Variants in LINGO2 observed in about 807,000 individuals in gnomAD.
LINGO2 encodes leucine-rich repeat and immunoglobulin-like domain-containing nogo receptor-interacting protein 2.
A neutral mutation model predicts 30.6 loss-of-function variants in LINGO2; 14 were observed. The ratio of observed to expected loss-of-function variants is 0.46; its 90% CI spans 0.30 to 0.72. LINGO2 has a LOEUF of 0.72. LINGO2 is among the 30% of genes least tolerant of loss of function. The pLI is 0.07. For synonymous variants in LINGO2, 317 were observed against 288.5 expected (o/e 1.10, Z -1.00); for missense variants, 729 against 751.7 (o/e 0.97, Z 0.35).
At chr9:29,000,419 T>G in the LINGO2 span, among the ~76,000 whole-genome samples, 1 of 152,064 alleles carries the variant, frequency 6.6e-6, no homozygotes, top group East Asian at 1.9e-4. Flanking sequence ...CTGGAAAACA[T>G]AGCCCTTATA....
chr9:28,761,652 T>C, the LINGO2 span, among the ~76,000 whole-genome samples: 2 of 151,960 alleles, frequency 1.3e-5, no homozygotes, highest in Admixed American at 1.3e-4. Flanking sequence ...CTATTAGTGA[T>C]ACCCCTAAGG....
the LINGO2 span, among the ~76,000 whole-genome samples, chr9:29,075,043 T>A: frequency 6.6e-6 from 1 of 152,264 alleles, no homozygotes; most frequent in Admixed American, 6.5e-5. Context: ...TGTGCTTTCG[T>A]CAACTAGCTG....
chr9:28,460,481 A>G (rs1157960900), intron 2 of LINGO2, among the ~76,000 whole-genome samples: 14 of 152,156 alleles, frequency 9.2e-5, no homozygotes, highest in Non-Finnish European at 7.4e-5. Flanking sequence ...TAAAGTCCAG[A>G]TTATAGACTG....
the LINGO2 span, among the ~76,000 whole-genome samples, chr9:28,690,297 A>C: frequency 6.6e-6 from 1 of 152,162 alleles, no homozygotes; most frequent in South Asian, 2.1e-4. Flanking sequence ...CACTCTGATT[A>C]CAGCCTTGGG....
chr9:28,032,929 G>T (rs1261430046), intron 4 of LINGO2, among the ~76,000 whole-genome samples: 1 of 152,186 alleles, frequency 6.6e-6, no homozygotes, highest in Non-Finnish European at 1.5e-5. Context: ...ATTTGTGCCT[G>T]AAAGTTTTAG....
intron 4 of LINGO2, among the ~76,000 whole-genome samples, chr9:28,107,718 C>A (rs1826638628): frequency 6.6e-6 from 1 of 152,052 alleles, no homozygotes; most frequent in Non-Finnish European, 1.5e-5. Context: ...GGTAATTCAC[C>A]AATACAATTT....
chr9:28,702,424 T>C, the LINGO2 span, among the ~76,000 whole-genome samples: 12 of 151,954 alleles, frequency 7.9e-5, no homozygotes, highest in African/African-American at 2.2e-4. Context: ...GAGGGTAACA[T>C]TAATAGATTT....
intron 1 of LINGO2, among the ~76,000 whole-genome samples, chr9:28,617,092 T>TA (rs1383983396): frequency 6.6e-6 from 1 of 152,102 alleles, no homozygotes; most frequent in African/African-American, 2.4e-5. Context: ...GAATATGAAG[T>TA]AAAAAATAAG....
At chr9:28,368,065 T>G (rs1280961863) in intron 3 of LINGO2, among the ~76,000 whole-genome samples, 1 of 152,192 alleles carries the variant, frequency 6.6e-6, no homozygotes, top group Non-Finnish European at 1.5e-5. Flanking sequence ...TATCTCTATC[T>G]CTATCTCATC....
intron 5 of LINGO2, among the ~76,000 whole-genome samples, chr9:27,979,136 A>T (rs1306198378): frequency 6.6e-6 from 1 of 152,010 alleles, no homozygotes; most frequent in Non-Finnish European, 1.5e-5. Context: ...AGCTGTGAAC[A>T]GTCATCAGTG....
the LINGO2 span, among the ~76,000 whole-genome samples, chr9:28,897,645 T>A: frequency 6.6e-6 from 1 of 152,124 alleles, no homozygotes; most frequent in African/African-American, 2.4e-5. Context: ...TATGCAACCT[T>A]CTATGCCTAA....
rs1011318902 is a variant in LINGO2, at chr9:28,148,024, C to A, written c.-86-135619G>T. On this transcript the variant is annotated intron_variant, in intron 4 of 5. Coordinates refer to ENST00000379992, the Ensembl canonical transcript of LINGO2. This position sits in a 1 kb window ranked among gnomAD's most constrained non-coding sequence, Gnocchi z 5.1. ...TAAGCATATTTTGTTCCTGGTTCCGCCACAGGTCCTGGCCATGCCATTGGC... is the reference window on the plus strand; with the variant it reads ...TAAGCATATTTTGTTCCTGGTTCCGACACAGGTCCTGGCCATGCCATTGGC... Among the ~76,000 whole-genome samples the A allele has an allele frequency of 6.6e-6, 1 of 152,154 alleles. No individual in the cohort carries two copies. The highest frequency in any genetic ancestry group is 1.5e-5 in the Non-Finnish European group (1 of 68,024).
chr9:28,506,479 C>CATATATATATATATATATAT (rs1262674322), intron 1 of LINGO2, among the ~76,000 whole-genome samples: 1 of 11,334 alleles, frequency 8.8e-5, no homozygotes, highest in African/African-American at 1.6e-4. Context: ...CACACACACA[C>CATATATATATATATATATAT]ATACACATAC....
chr9:28,506,465 C>T (rs1820129595), intron 1 of LINGO2, among the ~76,000 whole-genome samples: 2 of 46,624 alleles, frequency 4.3e-5, no homozygotes, highest in African/African-American at 2.2e-4. Flanking sequence ...CATACACATA[C>T]ACACACACAC....
At chr9:28,401,750 C>T (rs1296535878) in intron 2 of LINGO2, among the ~76,000 whole-genome samples, 1 of 152,084 alleles carries the variant, frequency 6.6e-6, no homozygotes, top group Non-Finnish European at 1.5e-5. Flanking sequence ...ACACTCCCAC[C>T]AACAGTGTAA....
At chr9:28,931,294 A>G in the LINGO2 span, among the ~76,000 whole-genome samples, 1 of 152,226 alleles carries the variant, frequency 6.6e-6, no homozygotes, top group Non-Finnish European at 1.5e-5. Context: ...AAAAGAGTGA[A>G]TAACCATGGC....
At chr9:28,905,278 CAAA>C in the LINGO2 span, among the ~76,000 whole-genome samples, 16,097 of 130,998 alleles carry the variant, frequency 0.12, 890 homozygotes, top group South Asian at 0.17. Flanking sequence ...ACAACAAAAG[CAAA>C]AAAAAAAAAA....
intron 2 of LINGO2, among the ~76,000 whole-genome samples, chr9:28,448,904 T>C (rs1248904871): frequency 3.9e-5 from 6 of 152,032 alleles, no homozygotes; most frequent in Admixed American, 2.0e-4. Flanking sequence ...CAGGGATATA[T>C]CAAGGGAACA....
At chr9:28,489,291 T>C (rs1360711203) in intron 1 of LINGO2, among the ~76,000 whole-genome samples, 1 of 152,082 alleles carries the variant, frequency 6.6e-6, no homozygotes, top group Non-Finnish European at 1.5e-5. Context: ...TGCCTCAGCC[T>C]TCCAAGTAGC....
Sources: gnomAD v4.1 joint callset for allele counts (sites outside exome capture counted in the v4.1 genomes callset) on GRCh38, gnomAD v4.1.1 for gene constraint, Gnocchi (gnomAD v3.1) non-coding constraint, MANE v1.5 for transcripts, NCBI Gene and HGNC (gene_info 2026-07-23, HGNC 2026-07-21) for gene names.